Variants in CCNJ observed in about 807,000 individuals in gnomAD.
CCNJ encodes the protein cyclin-J.
Under a neutral mutation model 41.4 loss-of-function variants are expected in CCNJ, and 12 were observed. The observed-to-expected ratio is 0.29, with a 90% CI of 0.19 to 0.47. CCNJ has a LOEUF of 0.47. CCNJ is among the 20% of genes least tolerant of loss of function. The pLI, the probability that CCNJ is intolerant of heterozygous loss-of-function variation, is 1.00. For missense variants in CCNJ, 340 were observed against 464.6 expected, an observed-to-expected ratio of 0.73 and a Z score of 2.47; for synonymous variants, 161 against 173.4, an observed-to-expected ratio of 0.93 and a Z score of 0.56.
chr10:96,043,604 C>G lies in CCNJ; in HGVS notation c.-157C>G, dbSNP rs903007009. ...CTTTAACAATGGGCGGCGCGAGCGT[C>G]CAGGCGCTGGGCTCTAGCTGAGGCC... On this transcript the variant is annotated 5_prime_UTR_variant, in exon 1 of 6. Coordinates refer to ENST00000465148, the MANE Select transcript of CCNJ (RefSeq NM_001134375.2). 2.5e-6 allele frequency: 1 copy of G among 395,346 alleles called. No individual in the cohort carries two copies. Among genetic ancestry groups the G allele is most frequent in the East Asian group, 3.6e-5 (1 of 27,876 alleles). The allele number at this position is 395,346 out of a possible 1,614,324, so 24.5% of individuals were successfully genotyped here. A position where few individuals can be genotyped will look rare whatever the true frequency, so the allele number is the denominator to read the frequency against.
rs1286431701 is a variant in CCNJ, at chr10:96,058,496, A to G, written c.*255A>G. Reference sequence around the variant, plus strand: ...TGTTCAAGTCCTGGCTGATGGTCCAAATATTTCAAAAATATTCAGTACAAC... The same window carrying G: ...TGTTCAAGTCCTGGCTGATGGTCCAGATATTTCAAAAATATTCAGTACAAC... On this transcript the variant is annotated 3_prime_UTR_variant, in exon 6 of 6. Transcript: ENST00000465148. The G allele has an allele frequency of 7.9e-6, 4 of 503,780 alleles. No homozygotes were observed. The highest frequency in any genetic ancestry group is 7.1e-5 in the Admixed American group (2 of 28,084). 31.2% of individuals were successfully genotyped at this position (503,780 alleles called of 1,614,324 possible).
rs767139671 is a variant in CCNJ at position 96,057,903 on chromosome 10, G to T, written c.814G>T (p.Val272Leu). 7 of 1,614,198 alleles carry T rather than the reference G, an allele frequency of 4.3e-6. No homozygotes were observed. In the South Asian group the frequency reaches 5.5e-5, roughly 13 times the overall value. Residue 272 changes from valine to leucine, a missense_variant, in exon 6 of 6, where the codon GTA (valine) becomes TTA (leucine). Coordinates refer to ENST00000465148, the MANE Select transcript of CCNJ (RefSeq NM_001134375.2). ...AGGACCTCAGTCAGCGCAACTAAGT[G>T]TATTCCAGACAGCCTCCCAGCCATC... Reference protein sequence around the residue: ...QAGPQSAQLSVFQTASQPSRP... With the variant: ...QAGPQSAQLSLFQTASQPSRP...
In CCNJ at chr10:96,043,616, C is replaced by T. The variant is rs1156625755; in HGVS notation, c.-145C>T. ...GCGGCGCGAGCGTCCAGGCGCTGGG[C>T]TCTAGCTGAGGCCGGCGCTTAGCGG... is the stretch of plus-strand genomic sequence containing the variant. On this transcript the variant is annotated 5_prime_UTR_variant, in exon 1 of 6. Transcript: ENST00000465148. 2.5e-6 allele frequency: 1 copy of T among 395,166 alleles called. No individual in the cohort carries two copies. The highest frequency in any genetic ancestry group is 4.5e-6 in the Non-Finnish European group (1 of 223,826). 24.5% of individuals were successfully genotyped at this position (395,166 alleles called of 1,614,324 possible). A position where few individuals can be genotyped will look rare whatever the true frequency, so the allele number is the denominator to read the frequency against.
intron 3 of CCNJ, among the ~76,000 whole-genome samples, chr10:96,056,436 A>G (rs1200225063): frequency 1.1e-4 from 16 of 152,160 alleles, no homozygotes; most frequent in Non-Finnish European, 2.9e-5. Flanking sequence ...TCACTGGCAC[A>G]TGACTATTTC....
chr10:96,043,367 G>A (rs184732587), upstream of CCNJ: 8 of 346,926 alleles, frequency 2.3e-5, no homozygotes, highest in Admixed American at 4.8e-5. Context: ...CAACCGAAGC[G>A]CCAGGCCAGC....
intron 3 of CCNJ, 30 bp from the exon 4 acceptor site, chr10:96,056,671 C>T (rs1329938654): frequency 3.3e-6 from 5 of 1,519,352 alleles, no homozygotes; most frequent in Non-Finnish European, 4.4e-6. Flanking sequence ...CTGACATTTT[C>T]TCTCCCCTCC....
At chr10:96,048,083 C>T (rs2080414859) in intron 2 of CCNJ, among the ~76,000 whole-genome samples, 1 of 152,168 alleles carries the variant, frequency 6.6e-6, no homozygotes, top group Non-Finnish European at 1.5e-5. Flanking sequence ...ATAATGGCCT[C>T]CAGCTCCATC....
intron 2 of CCNJ, among the ~76,000 whole-genome samples, chr10:96,046,542 A>G (rs183522971): frequency 2.6e-5 from 4 of 152,360 alleles, no homozygotes; most frequent in Admixed American, 2.0e-4. Context: ...TGTTAGAGCA[A>G]TAACAGTGAA....
chr10:96,056,665 C>T, intron 3 of CCNJ, 36 bp from the exon 4 acceptor site: 1 of 1,492,018 alleles, frequency 6.7e-7, no homozygotes, highest in Non-Finnish European at 9.1e-7. Context: ...ACTTGCCTGA[C>T]ATTTTCTCTC....
chr10:96,058,778 TA>T lies in CCNJ; in HGVS notation c.*545del, dbSNP rs1057327625. The T allele has an allele frequency of 5.0e-5, 16 of 317,482 alleles. No homozygotes were observed. Among genetic ancestry groups the T allele is most frequent in the East Asian group, 9.9e-5 (2 of 20,158 alleles). The allele number at this position is 317,482 out of a possible 1,614,324, so 19.7% of individuals were successfully genotyped here. On this transcript the variant is annotated 3_prime_UTR_variant, in exon 6 of 6. Coordinates refer to ENST00000465148, the MANE Select transcript of CCNJ (RefSeq NM_001134375.2). ...ATTGTTATGCTATACCAATCTGCAG[TA>T]AAAAAAATTTTTTTAGATGATTCTA... is the stretch of plus-strand genomic sequence containing the variant.
intron 2 of CCNJ, among the ~76,000 whole-genome samples, chr10:96,046,194 C>A (rs1406976635): frequency 1.3e-5 from 2 of 152,184 alleles, no homozygotes; most frequent in African/African-American, 2.4e-5. Context: ...TATGAACTAT[C>A]AGAGGACAAG....
intron 3 of CCNJ, among the ~76,000 whole-genome samples, chr10:96,054,966 G>C (rs1251225133): frequency 1.3e-5 from 2 of 152,194 alleles, no homozygotes; most frequent in Non-Finnish European, 2.9e-5. Context: ...TTCATCCAGA[G>C]ACACTGAACT....
In CCNJ at chr10:96,056,266, G is replaced by A. The variant is rs867497907; in HGVS notation, c.281-435G>A. Among the ~76,000 whole-genome samples the A allele has an allele frequency of 4.0e-4, 61 of 150,634 alleles. No homozygotes were observed. In the Middle Eastern group the frequency reaches 0.017, roughly 42 times the overall value. ...GGAGCTTGCAGTGAGCCGAGATCAC[G>A]CCACTGCACTCCAGCCTGGGCGACA... is the stretch of plus-strand genomic sequence containing the variant. On this transcript the variant is annotated intron_variant, in intron 3 of 5. Transcript: ENST00000465148.
chr10:96,058,032 G>C lies in CCNJ; in HGVS notation c.943G>C (p.Val315Leu), dbSNP rs1483083043. ...AGAACAACCAAGCTGTCAGCAGATT[G>C]TATCGACCACACACACCTCATCTTA... Reference protein sequence around the residue: ...TSEQPSCQQIVSTTHTSSYTL... With the variant: ...TSEQPSCQQILSTTHTSSYTL... Residue 315 changes from valine to leucine, a missense_variant, in exon 6 of 6, where the codon GTA becomes CTA. Physicochemically the swap from Val to Leu is conservative, Grantham distance 32. This residue lies in a region of CCNJ where 159 missense variants were observed against 168.2 expected (regional missense o/e 0.95). Transcript: ENST00000465148. 1 of 1,614,132 alleles carries C rather than the reference G, an allele frequency of 6.2e-7. No homozygotes were observed. Among genetic ancestry groups the C allele is most frequent in the Non-Finnish European group, 8.5e-7 (1 of 1,180,014 alleles).
At chr10:96,045,909 A>G (rs956575490) in intron 2 of CCNJ, among the ~76,000 whole-genome samples, 1 of 152,140 alleles carries the variant, frequency 6.6e-6, no homozygotes, top group Non-Finnish European at 1.5e-5. Flanking sequence ...TGCTGGGATT[A>G]CAGGCATGAG....
In CCNJ at chr10:96,058,129, G is replaced by A; in HGVS notation, c.1040G>A (p.Gly347Glu). The change falls in exon 6 of 6, where the codon GGG becomes GAG. Residue 347 changes from glycine (G) to glutamate (E), a missense_variant. This residue lies in a region of CCNJ where 159 missense variants were observed against 168.2 expected (regional missense o/e 0.95). Coordinates refer to ENST00000465148, the MANE Select transcript of CCNJ (RefSeq NM_001134375.2). ...QGLGHMQTGV[G>E]MSLAIPVEVK... The stretch of plus-strand genomic sequence containing the variant: ...CTTGGGCACATGCAGACTGGTGTTG[G>A]GATGTCACTGGCAATACCAGTAGAA... 6.2e-7 allele frequency: 1 copy of A among 1,614,148 alleles called. No individual in the cohort carries two copies.
At chr10:96,043,240 G>A (rs1335689318), upstream of CCNJ, among the ~76,000 whole-genome samples, 2 of 152,236 alleles carry the variant, frequency 1.3e-5, no homozygotes, top group Admixed American at 1.3e-4. Context: ...CAGCAGGTGA[G>A]TGGCCTAACT....
In CCNJ at chr10:96,054,405, A is replaced by G. The variant is rs192122720; in HGVS notation, c.281-2296A>G. 4.6e-5 allele frequency among the ~76,000 whole-genome samples: 7 copies of G among 152,338 alleles called. No homozygotes were observed. The East Asian group carries it at 1.2e-3, about 25-fold the overall frequency. ...CACTTTTTGAAATCTTTTAATATCC[A>G]TGTATCTGAATATTTATTACTATAC... On this transcript the variant is annotated intron_variant, in intron 3 of 5. Transcript: ENST00000465148.
At chr10:96,047,160 T>C (rs1170542877) in intron 2 of CCNJ, among the ~76,000 whole-genome samples, 3 of 152,298 alleles carry the variant, frequency 2.0e-5, no homozygotes, top group African/African-American at 7.2e-5. Context: ...TGAGACTGTT[T>C]TTCCAGCTTT....
Sources: allele counts gnomAD v4.1 joint callset (sites outside exome capture counted in the v4.1 genomes callset), GRCh38; gene constraint gnomAD v4.1.1; regional missense constraint gnomAD v4.1.1; transcripts MANE v1.5; gene names NCBI Gene and HGNC (gene_info 2026-07-23, HGNC 2026-07-21).